The following MACF1 variants were observed in gnomAD, a reference collection of about 807,000 sequenced individuals.
MACF1 encodes the protein microtubule-actin cross-linking factor 1.
In MACF1, 193 loss-of-function variants were observed where a neutral mutation model predicts 854.8. The ratio of observed to expected loss-of-function variants is 0.23; its 90% CI spans 0.20 to 0.25. MACF1 has a LOEUF of 0.25. Ranked by LOEUF, MACF1 falls within the 10% of genes least tolerant of loss-of-function variation. The pLI is 1.00. For missense variants in MACF1, 7,722 were observed against 8,929.1 expected (o/e 0.86, Z 5.45); for synonymous variants, 3,185 against 3,226.7 (o/e 0.99, Z 0.44).
chr1:39,303,643 G>A (rs1158243454), intron 23 of MACF1, among the ~76,000 whole-genome samples: 1 of 150,920 alleles, frequency 6.6e-6, no homozygotes, highest in Non-Finnish European at 1.5e-5. Context: ...CTTGAGGTCA[G>A]GAGGTCAAGA....
intron 2 of MACF1, among the ~76,000 whole-genome samples, chr1:39,144,907 A>G (rs1164327896): frequency 6.6e-6 from 1 of 151,958 alleles, no homozygotes; most frequent in Non-Finnish European, 1.5e-5. Flanking sequence ...TTTTCCACTT[A>G]TCCTTTCCTT....
chr1:39,129,982 T>C (rs1642956785), intron 2 of MACF1, among the ~76,000 whole-genome samples: 1 of 152,164 alleles, frequency 6.6e-6, no homozygotes, highest in Non-Finnish European at 1.5e-5. Flanking sequence ...GGGAGCAGAA[T>C]GTTTTGATTG....
At chr1:39,268,156 T>C (rs1645255739) in intron 6 of MACF1, among the ~76,000 whole-genome samples, 1 of 152,218 alleles carries the variant, frequency 6.6e-6, no homozygotes, top group African/African-American at 2.4e-5. Flanking sequence ...TCCCTTCCCT[T>C]GCTGGTTAGT....
In MACF1 at chr1:39,481,372, C is replaced by T. The variant is rs143012531; in HGVS notation, c.22281+342C>T. Among the ~76,000 whole-genome samples, 415 of 152,308 alleles carry T rather than the reference C, an allele frequency of 2.7e-3. 1 individual carries two copies. The highest frequency in any genetic ancestry group is 4.7e-3 in the Non-Finnish European group (319 of 68,034). On this transcript the variant is annotated intron_variant, in intron 99 of 100. Coordinates refer to ENST00000564288, the MANE Select transcript of MACF1 (RefSeq NM_001394062.1). Reference sequence around the variant, plus strand: ...AATCTCCAAATGTCAGATACTCAGACGAGTTATGAACACTTGAAATTCAAC... The same window carrying T: ...AATCTCCAAATGTCAGATACTCAGATGAGTTATGAACACTTGAAATTCAAC...
Position 39,241,591 on chromosome 1 carries a change from C to T in MACF1, c.172-8423C>T, listed in dbSNP as rs186306755. Among the ~76,000 whole-genome samples the T allele has an allele frequency of 2.1e-3, 292 of 137,222 alleles. 2 individuals are homozygous for T. The highest frequency in any genetic ancestry group is 7.9e-3 in the African/African-American group (282 of 35,744). 90.0% of individuals were successfully genotyped at this position (137,222 alleles called of 152,430 possible). A position where few individuals can be genotyped will look rare whatever the true frequency, so the allele number is the denominator to read the frequency against. On this transcript the variant is annotated intron_variant, in intron 2 of 100. Coordinates refer to ENST00000564288, the MANE Select transcript of MACF1 (RefSeq NM_001394062.1). ...AGGAGAATCGCTTGAACCCTGGAGGCAGAGGTTGTAGTGAGCTGAGATCAC... is the reference window on the plus strand; with the variant it reads ...AGGAGAATCGCTTGAACCCTGGAGGTAGAGGTTGTAGTGAGCTGAGATCAC...
chr1:39,466,032 A>G (rs1260274712), intron 95 of MACF1, among the ~76,000 whole-genome samples: 2 of 152,190 alleles, frequency 1.3e-5, no homozygotes, highest in African/African-American at 2.4e-5. Flanking sequence ...CTACTGCTCC[A>G]TTGATCAGGA....
intron 52 of MACF1, among the ~76,000 whole-genome samples, chr1:39,376,748 C>A (rs1357060374): frequency 6.6e-6 from 1 of 152,024 alleles, no homozygotes; most frequent in Non-Finnish European, 1.5e-5. Flanking sequence ...CAGGGTCTCG[C>A]TCTGTCACCC....
At chr1:39,324,073 A>C in intron 33 of MACF1, 120 bp from the exon 34 acceptor site, 1 of 1,013,680 alleles carries the variant, frequency 9.9e-7, no homozygotes, top group African/African-American at 1.6e-5. Flanking sequence ...TTATTTTCAC[A>C]GCCCACTTAT....
chr1:39,448,116 C>G lies in MACF1; in HGVS notation c.20052C>G (p.Asp6684Glu), dbSNP rs1278310205. 6.2e-7 allele frequency: 1 copy of G among 1,613,988 alleles called. No individual in the cohort carries two copies. The highest frequency in any genetic ancestry group is 1.7e-5 in the Admixed American group (1 of 60,002). The change falls in exon 83 of 101, where the codon GAC (aspartate) becomes GAG (glutamate). Residue 6684 changes from aspartate (D) to glutamate (E), a missense_variant. Asp to Glu is a conservative substitution (Grantham distance 45). This residue lies in a region of MACF1 where 729 missense variants were observed against 900.5 expected (regional missense o/e 0.81). Transcript: ENST00000564288. ...ACTCAGAACTAGAGATATCCAATGA[C>G]CCAGACAAAATTAAACTTCAGCTTT... ...HLDSELEISN[D>E]PDKIKLQLSK...
At chr1:39,095,561 C>CAA (rs34021324) in intron 2 of MACF1, among the ~76,000 whole-genome samples, 111 of 55,720 alleles carry the variant, frequency 2.0e-3, no homozygotes, top group South Asian at 3.3e-3. Context: ...GACTCTGTCT[C>CAA]AAAAAAAAAA....
intron 92 of MACF1, 32 bp from the exon 93 acceptor site, chr1:39,461,851 T>G: frequency 6.7e-7 from 1 of 1,503,090 alleles, no homozygotes. Context: ...GTACCCCTCT[T>G]AATGTTTCAA....
At chr1:39,389,026 C>A (rs1641919608) in intron 58 of MACF1, among the ~76,000 whole-genome samples, 3 of 151,398 alleles carry the variant, frequency 2.0e-5, no homozygotes, top group Admixed American at 2.0e-4. Flanking sequence ...CCACAGGCGC[C>A]ACCATACCCG....
chr1:39,345,485 C>T (rs191588824), intron 40 of MACF1, among the ~76,000 whole-genome samples: 3 of 152,024 alleles, frequency 2.0e-5, no homozygotes, highest in South Asian at 4.2e-4. Context: ...GTGGTGCACA[C>T]GTGTGGTCCC....
chr1:39,361,263 C>T (rs1648165056), intron 48 of MACF1, 97 bp from the exon 49 acceptor site: 1 of 1,231,332 alleles, frequency 8.1e-7, no homozygotes, highest in Non-Finnish European at 1.1e-6. Context: ...TGCAGTCCTC[C>T]AGTCCCCCTT....
At chr1:39,099,347 C>T (rs576961670) in intron 2 of MACF1, among the ~76,000 whole-genome samples, 8 of 152,174 alleles carry the variant, frequency 5.3e-5, no homozygotes, top group African/African-American at 1.9e-4. Flanking sequence ...AGTAGAGACG[C>T]GGTTTCACCA....
At chr1:39,457,591 C>G (rs549636964) in intron 89 of MACF1, 1 of 152,620 alleles carries the variant, frequency 6.6e-6, no homozygotes, top group East Asian at 1.9e-4. Flanking sequence ...AATAAATGGC[C>G]AACCCTTAGC....
intron 6 of MACF1, among the ~76,000 whole-genome samples, chr1:39,263,886 G>A (rs140576655): frequency 0.01 from 1,446 of 139,676 alleles, 23 homozygotes; most frequent in African/African-American, 0.037. Flanking sequence ...CCATTCTTCT[G>A]CCTCAGCCTC....
intron 2 of MACF1, among the ~76,000 whole-genome samples, chr1:39,148,911 T>A (rs1035070656): frequency 6.6e-6 from 1 of 152,228 alleles, no homozygotes; most frequent in Non-Finnish European, 1.5e-5. Flanking sequence ...TACATTTCAT[T>A]GAGATTTTTT....
At chr1:39,201,771 G>A (rs1488225650), upstream of MACF1, among the ~76,000 whole-genome samples, 1 of 152,022 alleles carries the variant, frequency 6.6e-6, no homozygotes, top group African/African-American at 2.4e-5. Flanking sequence ...TACAGCCATA[G>A]GTGATCTGAC....
Sources: gnomAD v4.1 joint callset for allele counts (sites outside exome capture counted in the v4.1 genomes callset) on GRCh38, gnomAD v4.1.1 for gene constraint, gnomAD v4.1.1 regional missense constraint, MANE v1.5 for transcripts, NCBI Gene and HGNC (gene_info 2026-07-23, HGNC 2026-07-21) for gene names.